Variants in POU2F1 observed in about 807,000 individuals in gnomAD.
The protein encoded by POU2F1 is POU class 2 homeobox 1, also known as POU domain, class 2, transcription factor 1.
POU2F1 carries 16 observed loss-of-function variants against 84.9 expected under a neutral mutation model. The observed-to-expected ratio is 0.19, with a 90% CI of 0.13 to 0.29. POU2F1 has a LOEUF of 0.29. Ranked by LOEUF, POU2F1 falls within the 10% of genes least tolerant of loss-of-function variation. The pLI, the probability that POU2F1 is intolerant of heterozygous loss-of-function variation, is 1.00. For missense variants in POU2F1, 738 were observed against 942.6 expected, an observed-to-expected ratio of 0.78 and a Z score of 2.84; for synonymous variants, 368 against 368.3, an observed-to-expected ratio of 1.00 and a Z score of 0.01.
intron 1 of POU2F1, among the ~76,000 whole-genome samples, chr1:167,253,819 T>C (rs112337824): frequency 0.047 from 7,177 of 152,284 alleles, 243 homozygotes; most frequent in African/African-American, 0.092. Flanking sequence ...CCTGTCTCTG[T>C]GGAGAAAAGA....
rs549304648 is a variant in POU2F1, at chr1:167,257,468, G to T, written c.61+36510G>T. The stretch of plus-strand genomic sequence containing the variant: ...AAATGTCTTTCTTTTGAGCCCTGAC[G>T]TCGATTTTCAGTTGAAAATGTTGGA... On this transcript the variant is annotated intron_variant, in intron 1 of 15. Coordinates refer to ENST00000367866, the MANE Select transcript of POU2F1 (RefSeq NM_002697.4). 2.0e-5 allele frequency among the ~76,000 whole-genome samples: 3 copies of T among 152,266 alleles called. No individual in the cohort carries two copies. In the South Asian group the frequency reaches 6.2e-4, roughly 32 times the overall value.
intron 1 of POU2F1, among the ~76,000 whole-genome samples, chr1:167,265,220 T>C (rs929284108): frequency 2.0e-5 from 3 of 152,118 alleles, no homozygotes; most frequent in Non-Finnish European, 4.4e-5. Context: ...GAGAACAGTT[T>C]AAAGGGTCTG....
At position 167,399,324 on chromosome 1, in the gene POU2F1, AGCT is replaced by A; in HGVS notation, c.1409_1411del (p.Ser470_Ser471delinsThr). The A allele has an allele frequency of 6.2e-7, 1 of 1,614,004 alleles. No homozygotes were observed. The highest frequency in any genetic ancestry group is 8.5e-7 in the Non-Finnish European group (1 of 1,179,936). On this transcript the variant is annotated inframe_deletion, in exon 12 of 16. Coordinates refer to ENST00000367866, the MANE Select transcript of POU2F1 (RefSeq NM_002697.4). Reference sequence around the variant, plus strand: ...CCCACCAAGCAGTGGTGGGACCAGCAGCTCACCTATTAAAGCAATTTTCCCCAG... The same window carrying A: ...CCCACCAAGCAGTGGTGGGACCAGCACACCTATTAAAGCAATTTTCCCCAG...
intron 2 of POU2F1, among the ~76,000 whole-genome samples, chr1:167,354,664 C>T (rs748497136): frequency 1.4e-4 from 21 of 152,286 alleles, no homozygotes; most frequent in Middle Eastern, 3.4e-3. Context: ...AGCATTTGTA[C>T]TGGTTTATAC....
chr1:167,278,980 G>T (rs73034579), intron 1 of POU2F1, among the ~76,000 whole-genome samples: 2,227 of 152,148 alleles, frequency 0.015, 53 homozygotes, highest in African/African-American at 0.05. Context: ...AATTAGTTAG[G>T]TAAATTAAGG....
intron 1 of POU2F1, among the ~76,000 whole-genome samples, chr1:167,252,374 G>A (rs1264217961): frequency 6.6e-6 from 1 of 152,178 alleles, no homozygotes; most frequent in African/African-American, 2.4e-5. Context: ...GGTTTCATGT[G>A]AAGAAGGAGA....
At chr1:167,355,520 C>T (rs1225420220) in intron 2 of POU2F1, among the ~76,000 whole-genome samples, 2 of 152,072 alleles carry the variant, frequency 1.3e-5, no homozygotes, top group African/African-American at 2.4e-5. Flanking sequence ...TAAGTTCTAC[C>T]CCTCTGCTCC....
chr1:167,229,862 G>A (rs1024909766), intron 1 of POU2F1, among the ~76,000 whole-genome samples: 1 of 152,154 alleles, frequency 6.6e-6, no homozygotes, highest in African/African-American at 2.4e-5. Flanking sequence ...CAGTGGAGGT[G>A]TTGCATTGTA....
In POU2F1 at chr1:167,287,614, C is replaced by T. The variant is rs767996411; in HGVS notation, c.62-44856C>T. On this transcript the variant is annotated intron_variant, in intron 1 of 15. Coordinates refer to ENST00000367866, the MANE Select transcript of POU2F1 (RefSeq NM_002697.4). ...GTACTGCTTTGTTTTCTCTGAGTCT[C>T]TTTTCTCTGAGATGAAAAATGCAAA... is the stretch of plus-strand genomic sequence containing the variant. Among the ~76,000 whole-genome samples, 5 of 152,294 alleles carry T rather than the reference C, an allele frequency of 3.3e-5. No individual in the cohort carries two copies. The South Asian group carries it at 1.0e-3, about 32-fold the overall frequency.
intron 2 of POU2F1, among the ~76,000 whole-genome samples, chr1:167,336,991 C>G (rs1657505355): frequency 6.6e-6 from 1 of 152,002 alleles, no homozygotes; most frequent in South Asian, 2.1e-4. Context: ...CATGGTGAAA[C>G]CCCATCTCTA....
In POU2F1 at chr1:167,415,706, C is replaced by A; in HGVS notation, c.2197C>A (p.His733Asn). The change falls in exon 16 of 16, where the codon CAC becomes AAC. Residue 733 changes from histidine (H) to asparagine (N), a missense_variant. Coordinates refer to ENST00000367866, the MANE Select transcript of POU2F1 (RefSeq NM_002697.4). ...GAACTCTGCACCTGTAGCCAGCCTTCACGCCACCTCCACCTCTGCTGAGTC... is the reference window on the plus strand; with the variant it reads ...GAACTCTGCACCTGTAGCCAGCCTTAACGCCACCTCCACCTCTGCTGAGTC... ...AGNSAPVASL[H>N]ATSTSAESIQ... 1 of 1,614,162 alleles carries A rather than the reference C, an allele frequency of 6.2e-7. No homozygotes were observed. Among genetic ancestry groups the A allele is most frequent in the Non-Finnish European group, 8.5e-7 (1 of 1,180,026 alleles).
At chr1:167,382,367 A>G (rs1485017318) in intron 7 of POU2F1, among the ~76,000 whole-genome samples, 1 of 152,202 alleles carries the variant, frequency 6.6e-6, no homozygotes, top group African/African-American at 2.4e-5. Flanking sequence ...AGAGTCTTGT[A>G]GGCAAAGGAA....
At chr1:167,411,689 C>T (rs774707197) in intron 13 of POU2F1, among the ~76,000 whole-genome samples, 21 of 151,984 alleles carry the variant, frequency 1.4e-4, no homozygotes, top group Non-Finnish European at 4.4e-5. Context: ...TTCTATGATT[C>T]TTTTGTTTCT....
At chr1:167,291,714 T>C (rs769324037) in intron 1 of POU2F1, among the ~76,000 whole-genome samples, 17 of 152,200 alleles carry the variant, frequency 1.1e-4, no homozygotes, top group Admixed American at 2.0e-4. Context: ...TTTCCTCACA[T>C]TAAGTATAAC....
Position 167,419,223 on chromosome 1 carries a change from AAGGGGACC to A in POU2F1, c.*3418_*3425del, listed in dbSNP as rs1268803207. 6.6e-6 allele frequency: 1 copy of A among 152,236 alleles called. No individual in the cohort carries two copies. The highest frequency in any genetic ancestry group is 1.9e-4 in the East Asian group (1 of 5,204). 9.4% of individuals were successfully genotyped at this position (152,236 alleles called of 1,614,324 possible). A position where few individuals can be genotyped will look rare whatever the true frequency, so the allele number is the denominator to read the frequency against. On this transcript the variant is annotated 3_prime_UTR_variant, in exon 16 of 16. Transcript: ENST00000367866. ...CTTATATGGGAGAGCCTGGAAACTA[AAGGGGACC>A]AGGGACCATTTGACCAAAAGAGGTG... is the stretch of plus-strand genomic sequence containing the variant.
In POU2F1 at chr1:167,295,960, A is replaced by G. The variant is rs143279749; in HGVS notation, c.62-36510A>G. Among the ~76,000 whole-genome samples, 22 of 152,326 alleles carry G rather than the reference A, an allele frequency of 1.4e-4. No homozygotes were observed. The East Asian group carries it at 4.0e-3, about 28-fold the overall frequency. ...AATTCAGAAAGGGAGGGTGTATAGTAACTGCTTTAATATGTAAAAATCTTT... is the reference window on the plus strand; with the variant it reads ...AATTCAGAAAGGGAGGGTGTATAGTGACTGCTTTAATATGTAAAAATCTTT... On this transcript the variant is annotated intron_variant, in intron 1 of 15. Coordinates refer to ENST00000367866, the MANE Select transcript of POU2F1 (RefSeq NM_002697.4).
intron 1 of POU2F1, among the ~76,000 whole-genome samples, chr1:167,248,190 G>A (rs758521489): frequency 1.3e-5 from 2 of 152,166 alleles, no homozygotes; most frequent in Non-Finnish European, 2.9e-5. Flanking sequence ...AACTCAGTGG[G>A]TAGTTATGTT....
chr1:167,339,654 C>A (rs549008371), intron 2 of POU2F1, among the ~76,000 whole-genome samples: 5 of 152,166 alleles, frequency 3.3e-5, no homozygotes, highest in African/African-American at 1.2e-4. Flanking sequence ...ACAGTACTTT[C>A]TAGTGTTATC....
At chr1:167,389,427 T>G (rs73026271) in intron 8 of POU2F1, among the ~76,000 whole-genome samples, 161 bp from the exon 9 acceptor site, 2,148 of 152,332 alleles carry the variant, frequency 0.014, 51 homozygotes, top group African/African-American at 0.048. Flanking sequence ...ATAATTTCAC[T>G]GTCTGCTTTG....
Sources: gnomAD v4.1 joint callset for allele counts (sites outside exome capture counted in the v4.1 genomes callset) on GRCh38, gnomAD v4.1.1 for gene constraint, MANE v1.5 for transcripts, NCBI Gene and HGNC (gene_info 2026-07-23, HGNC 2026-07-21) for gene names.